Variants in PTPRD observed in about 807,000 individuals in gnomAD.
PTPRD encodes the protein receptor-type tyrosine-protein phosphatase delta.
In PTPRD, 34 loss-of-function variants were observed where a neutral mutation model predicts 214.5. The observed-to-expected ratio is 0.16, with a 90% CI of 0.12 to 0.21. PTPRD has a LOEUF of 0.21. Among genes scored for constraint, PTPRD ranks in the 10% least tolerant of loss-of-function variants. The pLI is 1.00. For synonymous variants in PTPRD, 1,128 were observed against 845.7 expected (o/e 1.33, Z -5.79); for missense variants, 2,545 against 2,398.7 (o/e 1.06, Z -1.27).
chr9:10,437,446 T>C (rs768566578), intron 2 of PTPRD, among the ~76,000 whole-genome samples: 2 of 151,836 alleles, frequency 1.3e-5, no homozygotes, highest in African/African-American at 2.4e-5. Context: ...TTTCAGATCA[T>C]GTAGCACAAA....
At chr9:9,867,153 T>C (rs2064178954) in intron 5 of PTPRD, among the ~76,000 whole-genome samples, 1 of 152,150 alleles carries the variant, frequency 6.6e-6, no homozygotes, top group Non-Finnish European at 1.5e-5. Context: ...TGTATATTTT[T>C]CCCTAAAGCT....
chr9:8,485,487 T>G, intron 28 of PTPRD, 163 bp from the exon 29 acceptor site: 3 of 624,924 alleles, frequency 4.8e-6, no homozygotes, highest in Non-Finnish European at 8.3e-6. Context: ...AATACCCCAT[T>G]CTCACAGAGA....
At chr9:8,448,568 G>A (rs889490123) in intron 34 of PTPRD, among the ~76,000 whole-genome samples, 15 of 152,066 alleles carry the variant, frequency 9.9e-5, no homozygotes, top group Non-Finnish European at 8.8e-5. Flanking sequence ...ACACGTTCCC[G>A]GTGCATGATG....
At chr9:8,772,720 C>A (rs1599321346) in intron 11 of PTPRD, among the ~76,000 whole-genome samples, 1 of 152,008 alleles carries the variant, frequency 6.6e-6, no homozygotes, top group Middle Eastern at 3.4e-3. Context: ...TGTGTCAATT[C>A]TGAGTCAGTT....
intron 11 of PTPRD, among the ~76,000 whole-genome samples, chr9:8,934,251 A>G (rs528296488): frequency 6.6e-6 from 1 of 150,574 alleles, no homozygotes; most frequent in Non-Finnish European, 1.5e-5. Flanking sequence ...CATGAAAATA[A>G]CATAAAATTA....
chr9:10,011,085 G>C (rs2096589708), intron 4 of PTPRD, among the ~76,000 whole-genome samples: 1 of 151,832 alleles, frequency 6.6e-6, no homozygotes, highest in Non-Finnish European at 1.5e-5. Context: ...TAAGAAGAAA[G>C]TCATTCTCCA....
At chr9:10,388,811 T>C (rs2097986335) in intron 2 of PTPRD, among the ~76,000 whole-genome samples, 1 of 151,764 alleles carries the variant, frequency 6.6e-6, no homozygotes, top group African/African-American at 2.4e-5. Flanking sequence ...GTGTGAGGAA[T>C]AGAGGTAGAA....
At position 9,636,372 on chromosome 9, in the gene PTPRD, A is replaced by C. The variant is rs553097749; in HGVS notation, c.-286-61591T>G. 5.3e-5 allele frequency among the ~76,000 whole-genome samples: 8 copies of C among 152,352 alleles called. 1 individual carries two copies. In the South Asian group the frequency reaches 1.2e-3, roughly 24 times the overall value. ...GTAGACATTTTGGTTGATTTTCAAC[A>C]TCCACATAATATTAGATAATTACTT... On this transcript the variant is annotated intron_variant, in intron 7 of 45. Coordinates refer to ENST00000381196, the MANE Select transcript of PTPRD (RefSeq NM_002839.4).
chr9:8,745,159 C>G (rs765394559), intron 11 of PTPRD, among the ~76,000 whole-genome samples: 1 of 152,138 alleles, frequency 6.6e-6, no homozygotes, highest in Non-Finnish European at 1.5e-5. Context: ...TCATTTTGGG[C>G]AACCCTCTCA....
intron 2 of PTPRD, among the ~76,000 whole-genome samples, chr9:10,417,986 ATTAG>A (rs1306663320): frequency 1.3e-5 from 2 of 151,792 alleles, no homozygotes; most frequent in East Asian, 2.0e-4. Context: ...AGTTTAACAG[ATTAG>A]TTAATGACAT....
chr9:9,299,921 G>A (rs777777985), intron 9 of PTPRD, among the ~76,000 whole-genome samples: 10 of 149,902 alleles, frequency 6.7e-5, no homozygotes, highest in Admixed American at 1.3e-4. Context: ...TTTACTCTAC[G>A]TGACAGCTAT....
At chr9:9,354,729 A>G (rs189864776) in intron 9 of PTPRD, among the ~76,000 whole-genome samples, 66 of 151,982 alleles carry the variant, frequency 4.3e-4, no homozygotes, top group African/African-American at 1.3e-3. Flanking sequence ...TTGAAGTATC[A>G]GCAAGGGATT....
intron 2 of PTPRD, among the ~76,000 whole-genome samples, chr9:10,357,224 T>G (rs2097295938): frequency 6.6e-6 from 1 of 152,196 alleles, no homozygotes; most frequent in South Asian, 2.1e-4. Context: ...ACACCAGGTA[T>G]TTTTGAGAAC....
intron 5 of PTPRD, among the ~76,000 whole-genome samples, chr9:9,930,272 G>A (rs1323482759): frequency 1.3e-5 from 2 of 152,058 alleles, no homozygotes; most frequent in East Asian, 1.9e-4. Flanking sequence ...ACAGAATTGG[G>A]AATATCGAAG....
intron 11 of PTPRD, among the ~76,000 whole-genome samples, chr9:8,771,602 T>C (rs541096963): frequency 1.1e-4 from 16 of 152,184 alleles, no homozygotes; most frequent in Non-Finnish European, 2.2e-4. Context: ...TGGAGATTTG[T>C]GGAGTGGAAA....
At chr9:9,165,205 T>C (rs2130708383) in intron 10 of PTPRD, among the ~76,000 whole-genome samples, 1 of 152,328 alleles carries the variant, frequency 6.6e-6, no homozygotes, top group East Asian at 1.9e-4. Flanking sequence ...GAATCCATAG[T>C]CTAATAATGA....
intron 9 of PTPRD, among the ~76,000 whole-genome samples, chr9:9,374,128 A>G (rs938199408): frequency 6.6e-6 from 1 of 152,038 alleles, no homozygotes; most frequent in African/African-American, 2.4e-5. Flanking sequence ...ATTAACCTAA[A>G]AATATTCCAG....
chr9:9,269,887 G>T (rs1273689577), intron 9 of PTPRD, among the ~76,000 whole-genome samples: 2 of 150,838 alleles, frequency 1.3e-5, no homozygotes, highest in Non-Finnish European at 3.0e-5. Context: ...TTGGTCAAAG[G>T]GTACAAACTT....
At chr9:9,756,036 T>G (rs1177763538) in intron 6 of PTPRD, among the ~76,000 whole-genome samples, 2 of 151,988 alleles carry the variant, frequency 1.3e-5, no homozygotes, top group East Asian at 3.9e-4. Flanking sequence ...ATTCTTATAT[T>G]GAAGAAATGC....
Sources: allele counts gnomAD v4.1 joint callset (sites outside exome capture counted in the v4.1 genomes callset), GRCh38; gene constraint gnomAD v4.1.1; transcripts MANE v1.5; gene names NCBI Gene and HGNC (gene_info 2026-07-23, HGNC 2026-07-21).